Variants in ITGB2 observed in about 807,000 individuals in gnomAD.
ITGB2 encodes the protein integrin beta-2.
A neutral mutation model predicts 86.8 loss-of-function variants in ITGB2; 56 were observed. The ratio of observed to expected loss-of-function variants is 0.65; its 90% CI spans 0.52 to 0.81. The LOEUF is 0.81. Among genes scored for constraint, ITGB2 ranks in the 30% least tolerant of loss-of-function variants. ITGB2 has a pLI of 0.00. For missense variants in ITGB2, 948 were observed against 1,061.2 expected, an observed-to-expected ratio of 0.89 and a Z score of 1.48; for synonymous variants, 457 against 450.4, an observed-to-expected ratio of 1.01 and a Z score of -0.19.
chr21:44,904,454 C>T (rs1166745054), intron 4 of ITGB2, among the ~76,000 whole-genome samples: 1 of 151,896 alleles, frequency 6.6e-6, no homozygotes, highest in Non-Finnish European at 1.5e-5. Flanking sequence ...CCCACATATA[C>T]ACGCACATGG....
At chr21:44,903,644 C>T in intron 4 of ITGB2, 109 bp from the exon 5 acceptor site, 1 of 1,306,104 alleles carries the variant, frequency 7.7e-7, no homozygotes, top group Non-Finnish European at 1.1e-6. Context: ...CCTCCAGCCC[C>T]CAAATCCTCC....
chr21:44,924,014 G>A (rs2084341660), upstream of ITGB2, among the ~76,000 whole-genome samples: 1 of 152,190 alleles, frequency 6.6e-6, no homozygotes. Flanking sequence ...TCCACAGACA[G>A]TTCAGCAGCC....
chr21:44,886,665 C>A (rs773416479), intron 15 of ITGB2, 71 bp downstream of exon 15: 2 of 1,596,882 alleles, frequency 1.3e-6, no homozygotes, highest in African/African-American at 1.3e-5. Flanking sequence ...CACGGCCTCC[C>A]GCAGCAGGAG....
At position 44,906,954 on chromosome 21, in the gene ITGB2, G is replaced by T. The variant is rs2146538713; in HGVS notation, c.289C>A (p.Gln97Lys). ...TQEDHNGGQK[Q>K]LSPQKVTLYL... Reference sequence around the variant, plus strand: ...AGCGTCACTTTTTGTGGGGACAGCTGCTTCTGGCCCCCATTGTGGTCTTCC... The same window carrying T: ...AGCGTCACTTTTTGTGGGGACAGCTTCTTCTGGCCCCCATTGTGGTCTTCC... Residue 97 changes from glutamine to lysine, a missense_variant, in exon 4 of 16, where the codon CAG (glutamine) becomes AAG (lysine). Coordinates refer to ENST00000652462, the MANE Select transcript of ITGB2 (RefSeq NM_000211.5). The T allele has an allele frequency of 6.2e-7, 1 of 1,614,218 alleles. No individual in the cohort carries two copies. The highest frequency in any genetic ancestry group is 2.2e-5 in the East Asian group (1 of 44,880).
At chr21:44,888,941 C>T (rs1375844318) in intron 13 of ITGB2, 46 bp from the exon 14 acceptor site, 18 of 1,558,248 alleles carry the variant, frequency 1.2e-5, no homozygotes, top group South Asian at 3.3e-5. Flanking sequence ...TGTGCGGGGG[C>T]TCCGGCAACG....
In ITGB2 at chr21:44,910,890, G is replaced by A. The variant is rs2084121844; in HGVS notation, c.-3-105C>T. On this transcript the variant is annotated intron_variant, in intron 1 of 15. Coordinates refer to ENST00000652462, the MANE Select transcript of ITGB2 (RefSeq NM_000211.5). ...GCCTGGGACAAGGAGCTGGGGCCCT[G>A]TCCCTGCTGCAGGGGGTGGGTTAGG... 8 of 1,176,324 alleles carry A rather than the reference G, an allele frequency of 6.8e-6. No individual in the cohort carries two copies. The East Asian group carries it at 1.5e-4, about 22-fold the overall frequency. The allele number at this position is 1,176,324 out of a possible 1,614,324, so 72.9% of individuals were successfully genotyped here.
chr21:44,916,433 C>T (rs373743918), intron 1 of ITGB2, among the ~76,000 whole-genome samples: 17 of 152,104 alleles, frequency 1.1e-4, no homozygotes, highest in African/African-American at 2.9e-4. Context: ...TCCTGGGTGG[C>T]GACGTGAGGC....
chr21:44,920,521 C>T (rs1353012444), intron 1 of ITGB2, among the ~76,000 whole-genome samples: 2 of 152,192 alleles, frequency 1.3e-5, no homozygotes, highest in Admixed American at 6.5e-5. Flanking sequence ...CCCCTAGGGG[C>T]TTGTGGGCCC....
At chr21:44,927,350 T>C (rs1601349627) in intron 1 of ITGB2, among the ~76,000 whole-genome samples, 1 of 151,972 alleles carries the variant, frequency 6.6e-6, no homozygotes, top group Non-Finnish European at 1.5e-5. Context: ...TCATAAGGGA[T>C]GAGAAAGGAG....
intron 1 of ITGB2, among the ~76,000 whole-genome samples, chr21:44,913,842 C>T (rs569269014): frequency 1.3e-5 from 2 of 152,310 alleles, no homozygotes; most frequent in East Asian, 3.9e-4. Context: ...GGTCGAAGGG[C>T]CTGTGCCAGC....
At chr21:44,894,940 G>A in intron 9 of ITGB2, 31 bp downstream of exon 9, 1 of 1,462,996 alleles carries the variant, frequency 6.8e-7, no homozygotes, top group Non-Finnish European at 9.6e-7. Flanking sequence ...GCCACCCCAT[G>A]GGTCCCAGCT....
intron 11 of ITGB2, among the ~76,000 whole-genome samples, chr21:44,890,636 G>C (rs558321575): frequency 3.3e-5 from 5 of 152,328 alleles, no homozygotes; most frequent in Admixed American, 3.3e-4. Flanking sequence ...CTGCGTTCGT[G>C]CACTGACAGG....
In ITGB2 at chr21:44,907,002, G is replaced by C; in HGVS notation, c.241C>G (p.Pro81Ala). ...RGCAADDIMD[P>A]TSLAETQEDH... ...TCCTGGGTTTCAGCGAGGCTTGTGG[G>C]GTCCATGATGTCGTCAGCCGCACAG... The change falls in exon 4 of 16, where the codon CCC (proline) becomes GCC (alanine). Residue 81 changes from proline (P) to alanine (A), a missense_variant. By Grantham distance (27) the Pro-to-Ala change is conservative. Transcript: ENST00000652462. 1.2e-6 allele frequency: 2 copies of C among 1,614,150 alleles called. No individual in the cohort carries two copies. The highest frequency in any genetic ancestry group is 1.7e-6 in the Non-Finnish European group (2 of 1,180,002).
chr21:44,920,551 C>G (rs1319568004), intron 1 of ITGB2, among the ~76,000 whole-genome samples: 6 of 152,330 alleles, frequency 3.9e-5, no homozygotes, highest in Non-Finnish European at 1.5e-5. Flanking sequence ...CTGGCCTTGC[C>G]GGCCTCACAG....
intron 8 of ITGB2, among the ~76,000 whole-genome samples, chr21:44,895,838 A>G (rs1201915563): frequency 7.4e-6 from 1 of 134,602 alleles, no homozygotes; most frequent in African/African-American, 2.9e-5. Context: ...GTCTCAATAA[A>G]ATAAAATGAA....
chr21:44,921,679 C>T (rs902538711), upstream of ITGB2, among the ~76,000 whole-genome samples: 3 of 152,130 alleles, frequency 2.0e-5, no homozygotes, highest in Non-Finnish European at 4.4e-5. Flanking sequence ...GACTCAGACA[C>T]ATTACTACCC....
At chr21:44,907,993 T>A (rs1333674466) in intron 3 of ITGB2, 1 of 710,594 alleles carries the variant, frequency 1.4e-6, no homozygotes, top group Non-Finnish European at 2.6e-6. Context: ...CAAATCTCAC[T>A]GAAAGGTGTT....
At chr21:44,904,939 CAG>C (rs1421499945) in intron 4 of ITGB2, among the ~76,000 whole-genome samples, 2 of 152,248 alleles carry the variant, frequency 1.3e-5, no homozygotes, top group Non-Finnish European at 2.9e-5. Flanking sequence ...TTGCAGCCCT[CAG>C]AGGCTTCACT....
At chr21:44,889,156 C>T in intron 13 of ITGB2, 120 bp downstream of exon 13, 1 of 985,376 alleles carries the variant, frequency 1.0e-6, no homozygotes, top group South Asian at 1.5e-5. Flanking sequence ...TCCAGACGCA[C>T]CCGCAGAGAA....
Sources: allele counts gnomAD v4.1 joint callset (sites outside exome capture counted in the v4.1 genomes callset), GRCh38; gene constraint gnomAD v4.1.1; transcripts MANE v1.5; gene names NCBI Gene and HGNC (gene_info 2026-07-23, HGNC 2026-07-21).